ATP10B: variants seen among roughly 807,000 people sequenced by gnomAD.
ATP10B encodes the protein ATPase phospholipid transporting 10B (putative).
A neutral mutation model predicts 141.2 loss-of-function variants in ATP10B; 122 were observed. The observed-to-expected ratio is 0.86, with a 90% CI of 0.75 to 1.00. The LOEUF (loss-of-function observed/expected upper bound fraction) is 1.00. ATP10B is among the 50% of genes least tolerant of loss of function. The pLI is 0.00. For missense variants in ATP10B, 1,876 were observed against 1,825.3 expected (o/e 1.03, Z -0.51); for synonymous variants, 685 against 692.0 (o/e 0.99, Z 0.16).
chr5:160,737,336 T>A (rs1192134721), intron 2 of ATP10B, among the ~76,000 whole-genome samples: 3 of 152,142 alleles, frequency 2.0e-5, no homozygotes, highest in African/African-American at 7.2e-5. Context: ...TTCTCCAAGA[T>A]CTGGAACATG....
intron 2 of ATP10B, among the ~76,000 whole-genome samples, chr5:160,719,725 G>A (rs530723960): frequency 1.1e-4 from 17 of 152,154 alleles, no homozygotes; most frequent in South Asian, 2.1e-4. Flanking sequence ...CCATTATTTC[G>A]TCCATTCTAT....
chr5:160,830,136 G>A (rs1774958847), intron 1 of ATP10B, among the ~76,000 whole-genome samples: 1 of 151,908 alleles, frequency 6.6e-6, no homozygotes, highest in Non-Finnish European at 1.5e-5. Context: ...CTCTGTTGAG[G>A]GCTTTTATCA....
intron 24 of ATP10B, among the ~76,000 whole-genome samples, chr5:160,585,500 G>A (rs915037624): frequency 1.3e-5 from 2 of 152,180 alleles, no homozygotes; most frequent in African/African-American, 2.4e-5. Flanking sequence ...CTACTGAGGA[G>A]GCTGAGGCAG....
chr5:160,641,923 G>A (rs1759895078), intron 9 of ATP10B, among the ~76,000 whole-genome samples: 1 of 152,188 alleles, frequency 6.6e-6, no homozygotes, highest in South Asian at 2.1e-4. Context: ...GCAGTTGTGA[G>A]CAGGGGTTCC....
chr5:160,639,554 CTATAGGCAGCCACTAGAAACGGAA>C, intron 10 of ATP10B, among the ~76,000 whole-genome samples: 1 of 152,212 alleles, frequency 6.6e-6, no homozygotes, highest in South Asian at 2.1e-4. Flanking sequence ...AGACTAAGGA[CTATAGGCAGCCACTAGAAACGGAA>C]AAAGACAAGG....
intron 2 of ATP10B, among the ~76,000 whole-genome samples, chr5:160,745,003 G>A (rs559576340): frequency 1.2e-3 from 188 of 152,336 alleles, no homozygotes; most frequent in African/African-American, 4.5e-3. Context: ...GAGCTCTGTA[G>A]CCCTGAACAA....
At chr5:160,864,882 G>T in the ATP10B span, among the ~76,000 whole-genome samples, 4 of 151,846 alleles carry the variant, frequency 2.6e-5, no homozygotes, top group African/African-American at 7.2e-5. Context: ...GAGGTGAAAG[G>T]TTTCTGCAAG....
chr5:160,759,790 G>A (rs35096971), intron 2 of ATP10B, among the ~76,000 whole-genome samples: 48,016 of 151,852 alleles, frequency 0.32, 7,936 homozygotes, highest in Non-Finnish European at 0.36. Context: ...TTTTCTTTTC[G>A]GAAACATCTT....
chr5:160,693,403 AACACACACACACACACACACAC>A (rs3075585), intron 3 of ATP10B, among the ~76,000 whole-genome samples: 15 of 125,606 alleles, frequency 1.2e-4, no homozygotes, highest in Non-Finnish European at 1.9e-4. Context: ...TGGGTCAGAA[AACACACACACACACACACACAC>A]ACACACACAC....
At chr5:160,687,006 T>G in intron 5 of ATP10B, 1 of 976,408 alleles carries the variant, frequency 1.0e-6, no homozygotes, top group Non-Finnish European at 1.2e-6. Flanking sequence ...ACAGTGCCTT[T>G]GCATGTACAG....
At position 160,621,450 on chromosome 5, in the gene ATP10B, C is replaced by T. The variant is rs541031370; in HGVS notation, c.1813-500G>A. Among the ~76,000 whole-genome samples, 4 of 152,322 alleles carry T rather than the reference C, an allele frequency of 2.6e-5. No individual in the cohort carries two copies. The East Asian group carries it at 7.7e-4, about 29-fold the overall frequency. On this transcript the variant is annotated intron_variant, in intron 14 of 25. Transcript: ENST00000327245. ...GAAGCTCCCAGCCAGCTGAAGCTCC[C>T]ACATTAACTTGAAAATTGGGAGGTG...
At chr5:160,585,320 G>T (rs1397365094) in intron 24 of ATP10B, among the ~76,000 whole-genome samples, 1 of 152,186 alleles carries the variant, frequency 6.6e-6, no homozygotes, top group Non-Finnish European at 1.5e-5. Context: ...TTAGCTTGGT[G>T]GTTTCTAGTA....
intron 1 of ATP10B, among the ~76,000 whole-genome samples, chr5:160,820,945 G>C (rs372453341): frequency 6.6e-6 from 1 of 152,074 alleles, no homozygotes; most frequent in Non-Finnish European, 1.5e-5. Context: ...ATATTGAATT[G>C]AGAGAAACTG....
At chr5:160,705,243 A>T (rs1274005953) in intron 3 of ATP10B, among the ~76,000 whole-genome samples, 1 of 151,866 alleles carries the variant, frequency 6.6e-6, no homozygotes, top group Non-Finnish European at 1.5e-5. Context: ...TAAGACAGGG[A>T]TTTGCTCTGT....
At chr5:160,761,268 A>G (rs1207190853) in intron 2 of ATP10B, among the ~76,000 whole-genome samples, 1 of 152,206 alleles carries the variant, frequency 6.6e-6, no homozygotes, top group Non-Finnish European at 1.5e-5. Context: ...AAAGAAAACT[A>G]CAACCAAGGA....
At chr5:160,889,264 GT>G in the ATP10B span, among the ~76,000 whole-genome samples, 1 of 152,134 alleles carries the variant, frequency 6.6e-6, no homozygotes, top group Non-Finnish European at 1.5e-5. Flanking sequence ...ACATACGAGG[GT>G]TTAACCTCTA....
intron 7 of ATP10B, among the ~76,000 whole-genome samples, chr5:160,652,427 G>T (rs943975707): frequency 1.5e-5 from 2 of 133,362 alleles, no homozygotes; most frequent in Non-Finnish European, 3.2e-5. Context: ...ACCTGTCAGG[G>T]TTCTTATTTA....
intron 1 of ATP10B, among the ~76,000 whole-genome samples, chr5:160,826,549 GCA>G (rs1774616809): frequency 6.6e-6 from 1 of 152,068 alleles, no homozygotes; most frequent in South Asian, 2.1e-4. Flanking sequence ...TGAAATCAGT[GCA>G]CCTTGAAAAA....
intron 2 of ATP10B, among the ~76,000 whole-genome samples, chr5:160,763,635 G>C (rs1366196032): frequency 6.6e-6 from 1 of 151,886 alleles, no homozygotes; most frequent in Non-Finnish European, 1.5e-5. Context: ...AGATAATCTA[G>C]GGTTACACCT....
Sources: gnomAD v4.1 joint callset for allele counts (sites outside exome capture counted in the v4.1 genomes callset) on GRCh38, gnomAD v4.1.1 for gene constraint, MANE v1.5 for transcripts, NCBI Gene and HGNC (gene_info 2026-07-23, HGNC 2026-07-21) for gene names.